Variants in SYNE1 observed in about 807,000 individuals in gnomAD.
The protein encoded by SYNE1 is spectrin repeat containing nuclear envelope protein 1, also known as nesprin-1.
Under a neutral mutation model 1,111.0 loss-of-function variants are expected in SYNE1, and 616 were observed. The ratio of observed to expected loss-of-function variants is 0.55; its 90% CI spans 0.52 to 0.59. The LOEUF is 0.59. Ranked by LOEUF, SYNE1 falls within the 20% of genes least tolerant of loss-of-function variation. SYNE1 has a pLI of 0.00. For missense variants in SYNE1, 10,006 were observed against 10,417.0 expected (o/e 0.96, Z 1.72); for synonymous variants, 3,855 against 3,825.8 (o/e 1.01, Z -0.28).
rs749868324 is a variant in SYNE1 at position 152,321,734 on chromosome 6, A to G, written c.16070T>C (p.Leu5357Pro). ...ACTTTTTTGTACCTGAAGTTCTTCA[A>G]GTTGAGCATCTATTTCTATTGTTGG... ...GNPTIEIDAQ[L>P]EELQILLTEA... The change falls in exon 83 of 146, where the codon CTT becomes CCT. Residue 5357 changes from leucine to proline, a missense_variant. Coordinates refer to ENST00000367255, the MANE Select transcript of SYNE1 (RefSeq NM_182961.4). 27 of 1,614,052 alleles carry G rather than the reference A, an allele frequency of 1.7e-5. No individual in the cohort carries two copies. Among genetic ancestry groups the G allele is most frequent in the East Asian group, 1.3e-4 (6 of 44,848 alleles).
Position 152,138,890 on chromosome 6 carries a change from G to A in SYNE1, c.25458+1060C>T, listed in dbSNP as rs17082195. ...GAGTTAAGGTGTACTATATCCATGC[G>A]GGCCAAGCCAAAATCAAACGCAAAT... On this transcript the variant is annotated intron_variant, in intron 140 of 145. Transcript: ENST00000367255. Among the ~76,000 whole-genome samples the A allele has an allele frequency of 9.7e-4, 147 of 152,240 alleles. No homozygotes were observed. In the Middle Eastern group the frequency reaches 0.01, roughly 11 times the overall value.
chr6:152,467,491 T>C (rs1183412866), intron 16 of SYNE1, among the ~76,000 whole-genome samples: 1 of 152,104 alleles, frequency 6.6e-6, no homozygotes, highest in African/African-American at 2.4e-5. Flanking sequence ...AATCTGCATT[T>C]AGTATTGGTA....
At chr6:152,150,097 G>T (rs1325787242) in intron 135 of SYNE1, among the ~76,000 whole-genome samples, 1 of 152,208 alleles carries the variant, frequency 6.6e-6, no homozygotes, top group Admixed American at 6.5e-5. Context: ...CTCATCCTAT[G>T]TCAAACATGA....
intron 93 of SYNE1, among the ~76,000 whole-genome samples, chr6:152,296,501 A>T (rs1337766683): frequency 1.3e-5 from 2 of 152,300 alleles, no homozygotes; most frequent in Non-Finnish European, 2.9e-5. Context: ...TTTATTCCTG[A>T]TTTCTCCTCC....
chr6:152,373,718 G>T (rs1246611273), intron 58 of SYNE1, among the ~76,000 whole-genome samples: 1 of 152,168 alleles, frequency 6.6e-6, no homozygotes, highest in Non-Finnish European at 1.5e-5. Flanking sequence ...GTCTCAAAAA[G>T]GTGGTGAGCA....
At chr6:152,185,044 T>C (rs1349314671) in intron 128 of SYNE1, among the ~76,000 whole-genome samples, 1 of 152,102 alleles carries the variant, frequency 6.6e-6, no homozygotes, top group Non-Finnish European at 1.5e-5. Context: ...AGGAAATACA[T>C]CCTTTTCTGG....
At chr6:152,214,841 T>A (rs1195011726) in intron 122 of SYNE1, 65 bp downstream of exon 122, 1 of 1,590,710 alleles carries the variant, frequency 6.3e-7, no homozygotes, top group Non-Finnish European at 8.6e-7. Flanking sequence ...TGTAGTATTT[T>A]GACATAGCGG....
At position 152,308,391 on chromosome 6, in the gene SYNE1, G is replaced by A. The variant is rs183007778; in HGVS notation, c.17346+98C>T. On this transcript the variant is annotated intron_variant, in intron 91 of 145. Transcript: ENST00000367255. Reference sequence around the variant, plus strand: ...CAAGAGTTGAACACATTAAGTGCAGGACAGGGGAAACTGTTCTCTTCCATT... The same window carrying A: ...CAAGAGTTGAACACATTAAGTGCAGAACAGGGGAAACTGTTCTCTTCCATT... 3.2e-6 allele frequency: 5 copies of A among 1,557,212 alleles called. No homozygotes were observed. The African/African-American group carries it at 6.7e-5, about 21-fold the overall frequency.
At chr6:152,612,528 C>A (rs2099634318) in intron 3 of SYNE1, among the ~76,000 whole-genome samples, 1 of 152,052 alleles carries the variant, frequency 6.6e-6, no homozygotes, top group African/African-American at 2.4e-5. Flanking sequence ...CAAAAAAAGT[C>A]CAGGACCAGA....
intron 123 of SYNE1, among the ~76,000 whole-genome samples, chr6:152,211,935 G>A (rs925810392): frequency 6.6e-6 from 1 of 151,900 alleles, no homozygotes; most frequent in Admixed American, 6.6e-5. Context: ...AAAACTTAGA[G>A]AATAGCTTAG....
rs1435183530 is a variant in SYNE1, at chr6:152,189,313, A to T, written c.23240T>A (p.Ile7747Asn). The T allele has an allele frequency of 1.9e-6, 3 of 1,613,994 alleles. No homozygotes were observed. The highest frequency in any genetic ancestry group is 2.7e-5 in the African/African-American group (2 of 74,906). ...CTCTACGCGTTCATTAAGAATGGAG[A>T]TATCATCAGCACTGATATAGGCAGA... The part of the protein sequence containing the change: ...TLSAYISADD[I>N]SILNERVELL... The change falls in exon 128 of 146, where the codon ATC (isoleucine) becomes AAC (asparagine). Residue 7747 changes from isoleucine (I) to asparagine (N), a missense_variant. This residue lies in a region of SYNE1 where 2,182 missense variants were observed against 2,287.8 expected (regional missense o/e 0.95). Transcript: ENST00000367255.
At chr6:152,514,862 C>A (rs1440014932) in intron 6 of SYNE1, among the ~76,000 whole-genome samples, 1 of 152,068 alleles carries the variant, frequency 6.6e-6, no homozygotes, top group African/African-American at 2.4e-5. Flanking sequence ...TAGTTTAAGC[C>A]ACCCAGTCTG....
rs141214076 is a variant in SYNE1 at position 152,455,590 on chromosome 6, T to C, written c.2728A>G (p.Ser910Gly). 9.5e-5 allele frequency: 153 copies of C among 1,614,166 alleles called. No individual in the cohort carries two copies. In the African/African-American group the frequency reaches 1.9e-3, roughly 20 times the overall value. The change falls in exon 24 of 146, where the codon AGT becomes GGT. Residue 910 changes from serine to glycine, a missense_variant and splice_region_variant. Transcript: ENST00000367255. ...CAATCTCCAGTTTTCTTTACCATAC[T>C]CTTGATGTGAAAAACAATCATAATG... ...QIADIHVAFQ[S>G]MVKKTGDWKK...
intron 3 of SYNE1, among the ~76,000 whole-genome samples, chr6:152,559,895 AAG>A (rs1345772614): frequency 6.6e-6 from 1 of 152,240 alleles, no homozygotes; most frequent in Non-Finnish European, 1.5e-5. Flanking sequence ...GACTAAAGAA[AAG>A]AGAGGAGATT....
At chr6:152,548,427 C>T (rs2099325225) in intron 3 of SYNE1, among the ~76,000 whole-genome samples, 1 of 152,240 alleles carries the variant, frequency 6.6e-6, no homozygotes, top group Non-Finnish European at 1.5e-5. Context: ...ATTGCTCCCT[C>T]TGTTCAATTC....
intron 4 of SYNE1, among the ~76,000 whole-genome samples, chr6:152,539,371 T>A (rs1389555670): frequency 6.6e-6 from 1 of 152,202 alleles, no homozygotes; most frequent in Non-Finnish European, 1.5e-5. Flanking sequence ...TTATACTGTA[T>A]CAAGATTAAG....
chr6:152,389,438 T>C (rs2097574556), intron 53 of SYNE1, among the ~76,000 whole-genome samples: 1 of 152,210 alleles, frequency 6.6e-6, no homozygotes, highest in South Asian at 2.1e-4. Flanking sequence ...TATTTTGTTA[T>C]GATCACATTG....
At chr6:152,404,996 C>G (rs1216459664) in intron 45 of SYNE1, 1 of 152,244 alleles carries the variant, frequency 6.6e-6, no homozygotes, top group Non-Finnish European at 1.5e-5. Context: ...TGGACACTAG[C>G]AAACCTCCTG....
intron 75 of SYNE1, 29 bp from the exon 76 acceptor site, chr6:152,337,046 C>A (rs781113279): frequency 6.2e-7 from 1 of 1,604,656 alleles, no homozygotes; most frequent in Non-Finnish European, 8.5e-7. Flanking sequence ...TAAAAGTTAG[C>A]AACCATACAT....
Sources: allele counts gnomAD v4.1 joint callset (sites outside exome capture counted in the v4.1 genomes callset), GRCh38; gene constraint gnomAD v4.1.1; regional missense constraint gnomAD v4.1.1; transcripts MANE v1.5; gene names NCBI Gene and HGNC (gene_info 2026-07-23, HGNC 2026-07-21).